Variants in TWNK observed in about 807,000 individuals in gnomAD.
The protein encoded by TWNK is twinkle mtDNA helicase, also known as T7 gp4-like protein with intramitochondrial nucleoid localization.
TWNK carries 36 observed loss-of-function variants against 58.2 expected under a neutral mutation model. The ratio of observed to expected loss-of-function variants is 0.62; its 90% CI spans 0.47 to 0.82. The LOEUF is 0.82. Ranked by LOEUF, TWNK falls within the 40% of genes least tolerant of loss-of-function variation. TWNK has a pLI of 0.00. For missense variants in TWNK, 714 were observed against 881.0 expected (o/e 0.81, Z 2.40); for synonymous variants, 349 against 348.5 (o/e 1.00, Z -0.02).
Position 100,988,191 on chromosome 10 carries a change from C to G in TWNK, c.-20C>G. On this transcript the variant is annotated 5_prime_UTR_variant, in exon 1 of 5. Transcript: ENST00000311916. This position sits in a 1 kb window ranked among gnomAD's most constrained non-coding sequence, Gnocchi z 5.2. ...GCACCTAAGGCATTTCAAGTAGTGACTTCCCACATTTGGCTAGGAATGTGG... is the reference window on the plus strand; with the variant it reads ...GCACCTAAGGCATTTCAAGTAGTGAGTTCCCACATTTGGCTAGGAATGTGG... 1 of 1,613,758 alleles carries G rather than the reference C, an allele frequency of 6.2e-7. No homozygotes were observed. Among genetic ancestry groups the G allele is most frequent in the Non-Finnish European group, 8.5e-7 (1 of 1,180,018 alleles).
At chr10:100,992,034 A>AAT (rs1026682930) in intron 4 of TWNK, among the ~76,000 whole-genome samples, 3 of 143,216 alleles carry the variant, frequency 2.1e-5, no homozygotes, top group African/African-American at 7.7e-5. Flanking sequence ...ATATATATAT[A>AAT]ATATATATAT....
rs200798080 is a variant in TWNK, at chr10:100,989,311, C to T, written c.1101C>T (p.Ile367=). 3.9e-5 allele frequency: 63 copies of T among 1,614,160 alleles called. No homozygotes were observed. In the African/African-American group the frequency reaches 5.7e-4, roughly 15 times the overall value. ...CCCTGCCTGCCTGGCACAAGTCCAT[C>T]GTATCTTTCCGGCAGCTTCGGGAGG... is the stretch of plus-strand genomic sequence containing the variant. The part of the protein sequence containing the change: ...RTALPAWHKS[I]VSFRQLREEV... The change falls in exon 1 of 5, where the codon ATC becomes ATT. Residue 367 remains isoleucine (I), a synonymous_variant. Transcript: ENST00000311916. The surrounding 1 kb of genome is among the most constrained non-coding windows in gnomAD (Gnocchi z 7.6).
rs1464688038 is a variant in TWNK at position 100,987,559 on chromosome 10, C to A, written c.-652C>A. 1.5e-5 allele frequency: 21 copies of A among 1,433,952 alleles called. No homozygotes were observed. The highest frequency in any genetic ancestry group is 1.8e-5 in the Non-Finnish European group (19 of 1,080,074). 88.8% of individuals were successfully genotyped at this position (1,433,952 alleles called of 1,614,324 possible). On this transcript the variant is annotated 5_prime_UTR_variant, in exon 1 of 5. Coordinates refer to ENST00000311916, the MANE Select transcript of TWNK (RefSeq NM_021830.5). ...CGGAGTTTTGCTTCCGAGGTCAAGG[C>A]GAGTAGCATGTGCGGGAGACTCACG...
At position 100,989,679 on chromosome 10, in the gene TWNK, G is replaced by A; in HGVS notation, c.1279G>A (p.Glu427Lys). ...TGSGKTTFIS[E>K]YALDLCSQGV... ...CAGTGGAAAGACGACATTCATCAGT[G>A]AGTATGCCCTGGATTTGTGTTCCCA... The change falls in exon 2 of 5, where the codon GAG becomes AAG. Residue 427 changes from glutamate to lysine, a missense_variant. Physicochemically the swap from Glu to Lys is moderately conservative, Grantham distance 56 (BLOSUM62 1). Coordinates refer to ENST00000311916, the MANE Select transcript of TWNK (RefSeq NM_021830.5). The surrounding 1 kb of genome is among the most constrained non-coding windows in gnomAD (Gnocchi z 7.6). 1 of 1,614,208 alleles carries A rather than the reference G, an allele frequency of 6.2e-7. No individual in the cohort carries two copies. Among genetic ancestry groups the A allele is most frequent in the Non-Finnish European group, 8.5e-7 (1 of 1,180,044 alleles).
In TWNK at chr10:100,989,633, C is replaced by T. The variant is rs1292551105; in HGVS notation, c.1244-11C>T. ...TTCCTCCTCACCCAGGTCTGTTCCA[C>T]CCCACTGCAGGGCCAACAGGCAGTG... On this transcript the variant is annotated splice_polypyrimidine_tract_variant and intron_variant, in intron 1 of 4. Transcript: ENST00000311916. This position sits in a 1 kb window ranked among gnomAD's most constrained non-coding sequence, Gnocchi z 7.6. 1 of 1,613,994 alleles carries T rather than the reference C, an allele frequency of 6.2e-7. No homozygotes were observed. Among genetic ancestry groups the T allele is most frequent in the South Asian group, 1.1e-5 (1 of 91,072 alleles).
rs746670084 is a variant in TWNK, at chr10:100,989,077, C to T, written c.867C>T (p.Cys289=). 1.6e-5 allele frequency: 26 copies of T among 1,613,928 alleles called. No individual in the cohort carries two copies. Among genetic ancestry groups the T allele is most frequent in the Non-Finnish European group, 2.2e-5 (26 of 1,179,870 alleles). ...PTLTLPRGTT[C]LPPALLPYLE... ...TTACTCTACCCCGAGGAACGACCTG[C>T]TTACCCCCTGCCTTACTCCCTTACC... is the stretch of plus-strand genomic sequence containing the variant. The change falls in exon 1 of 5, where the codon TGC becomes TGT. Residue 289 remains cysteine (C), a synonymous_variant. Transcript: ENST00000311916. This position sits in a 1 kb window ranked among gnomAD's most constrained non-coding sequence, Gnocchi z 7.6.
At chr10:100,990,018 G>T (rs1851726223) in intron 2 of TWNK, 134 bp downstream of exon 2, 1 of 1,281,162 alleles carries the variant, frequency 7.8e-7, no homozygotes, top group African/African-American at 1.5e-5. Flanking sequence ...GAATGAGAGG[G>T]CAGGGCTGGA....
Position 100,988,725 on chromosome 10 carries a change from A to C in TWNK, c.515A>C (p.Glu172Ala), listed in dbSNP as rs764143807. The C allele has an allele frequency of 5.0e-6, 8 of 1,614,140 alleles. No individual in the cohort carries two copies. The Admixed American group carries it at 1.3e-4, about 27-fold the overall frequency. Residue 172 changes from glutamate (E) to alanine (A), a missense_variant, in exon 1 of 5, where the codon GAG (glutamate) becomes GCG (alanine). Glu to Ala is a moderately radical substitution (Grantham distance 107, BLOSUM62 -1). This residue lies in a region of TWNK where 348 missense variants were observed against 388.4 expected (regional missense o/e 0.90). Transcript: ENST00000311916. This position sits in a 1 kb window ranked among gnomAD's most constrained non-coding sequence, Gnocchi z 5.2. ...IPLWELPDQE[E>A]VQLADTMFGL... The stretch of plus-strand genomic sequence containing the variant: ...CTCTGGGAGCTGCCTGATCAGGAGG[A>C]GGTTCAGCTGGCTGATACAATGTTT...
rs1245050449 is a variant in TWNK, at chr10:100,987,664, AG to A, written c.-546del. 2 of 625,656 alleles carry A rather than the reference AG, an allele frequency of 3.2e-6. No homozygotes were observed. Among genetic ancestry groups the A allele is most frequent in the Non-Finnish European group, 5.5e-6 (2 of 362,658 alleles). 38.8% of individuals were successfully genotyped at this position (625,656 alleles called of 1,614,324 possible). Reference sequence around the variant, plus strand: ...GGCGGAGCTCGGAGTAGTAGAGCGGAGTGAAGACACGGGGGAGGATAGAGAC... The same window carrying A: ...GGCGGAGCTCGGAGTAGTAGAGCGGATGAAGACACGGGGGAGGATAGAGAC... On this transcript the variant is annotated 5_prime_UTR_variant, in exon 1 of 5. In the 5' UTR this introduces an upstream ATG that the reference lacks. Coordinates refer to ENST00000311916, the MANE Select transcript of TWNK (RefSeq NM_021830.5).
At chr10:100,991,464 A>G (rs751111645) in intron 4 of TWNK, among the ~76,000 whole-genome samples, 3 of 152,188 alleles carry the variant, frequency 2.0e-5, no homozygotes, top group Non-Finnish European at 4.4e-5. Flanking sequence ...TGGAGCTTCT[A>G]GTGTTACACT....
chr10:100,992,416 C>T (rs1211892062), intron 4 of TWNK, among the ~76,000 whole-genome samples: 2 of 149,400 alleles, frequency 1.3e-5, no homozygotes, highest in Admixed American at 6.7e-5. Flanking sequence ...GGAGTTTCAC[C>T]GTGTTAGCCA....
chr10:100,990,351 C>T (rs941626190), intron 2 of TWNK, 85 bp from the exon 3 acceptor site: 11 of 970,714 alleles, frequency 1.1e-5, no homozygotes, highest in South Asian at 5.1e-5. Context: ...GAGGAGGCAG[C>T]CAAGAGAGTT....
At chr10:100,991,856 A>C (rs1590022792) in intron 4 of TWNK, among the ~76,000 whole-genome samples, 1 of 74,756 alleles carries the variant, frequency 1.3e-5, no homozygotes, top group Non-Finnish European at 2.4e-5. Flanking sequence ...CTAAAAATAC[A>C]AAAAAAAAAA....
chr10:100,991,999 AGAGT>A (rs1422462978), intron 4 of TWNK, among the ~76,000 whole-genome samples: 2 of 149,078 alleles, frequency 1.3e-5, no homozygotes, highest in African/African-American at 4.9e-5. Flanking sequence ...CCTGGGTGAC[AGAGT>A]GAGACTCCGT....
chr10:100,990,429 T>C lies in TWNK; in HGVS notation c.1485-7T>C. The C allele has an allele frequency of 2.5e-6, 4 of 1,610,976 alleles. No individual in the cohort carries two copies. The highest frequency in any genetic ancestry group is 3.4e-6 in the Non-Finnish European group (4 of 1,177,152). On this transcript the variant is annotated splice_polypyrimidine_tract_variant and splice_region_variant and intron_variant, in intron 2 of 4. Transcript: ENST00000311916. ...CTTGTCAAATTCCTTGCCTTTCCTC[T>C]TCCCAGGACTGTAATAGATACAATG...
intron 2 of TWNK, 62 bp from the exon 3 acceptor site, chr10:100,990,374 G>A: frequency 8.3e-7 from 1 of 1,204,088 alleles, no homozygotes; most frequent in Non-Finnish European, 1.2e-6. Flanking sequence ...CAGGATGCTA[G>A]TTCTTCTGCC....
In TWNK at chr10:100,987,859, A is replaced by G. The variant is rs1243177396; in HGVS notation, c.-352A>G. ...CTATAGAAATGAGGACGACGAGGAG[A>G]TGCTGTGGAGGAGCAGTAGAGGTGA... On this transcript the variant is annotated 5_prime_UTR_variant, in exon 1 of 5. An upstream start codon of the reference 5' UTR is lost. Coordinates refer to ENST00000311916, the MANE Select transcript of TWNK (RefSeq NM_021830.5). The G allele has an allele frequency of 3.4e-6, 2 of 593,392 alleles. No homozygotes were observed. Among genetic ancestry groups the G allele is most frequent in the Non-Finnish European group, 6.0e-6 (2 of 335,546 alleles). The allele number at this position is 593,392 out of a possible 1,614,324, so 36.8% of individuals were successfully genotyped here. A position where few individuals can be genotyped will look rare whatever the true frequency, so the allele number is the denominator to read the frequency against.
intron 4 of TWNK, among the ~76,000 whole-genome samples, chr10:100,992,415 C>T (rs1269636287): frequency 2.0e-5 from 3 of 150,048 alleles, no homozygotes; most frequent in South Asian, 4.2e-4. Context: ...CGGAGTTTCA[C>T]CGTGTTAGCC....
rs775312274 is a variant in TWNK, at chr10:100,987,690, CTGGCATTCCTTTGGGCCGGGGGAT to C, written c.-516_-493del. ...GTGAAGACACGGGGGAGGATAGAGA[CTGGCATTCCTTTGGGCCGGGGGAT>C]TGGCGGGAGTCGTGCTGGGTGCTCT... On this transcript the variant is annotated 5_prime_UTR_variant, in exon 1 of 5. Transcript: ENST00000311916. 9.1e-4 allele frequency: 548 copies of C among 599,364 alleles called. No individual in the cohort carries two copies. The highest frequency in any genetic ancestry group is 1.3e-3 in the Non-Finnish European group (445 of 341,168). The allele number at this position is 599,364 out of a possible 1,614,324, so 37.1% of individuals were successfully genotyped here. A position where few individuals can be genotyped will look rare whatever the true frequency, so the allele number is the denominator to read the frequency against.
Sources: gnomAD v4.1 joint callset for allele counts (sites outside exome capture counted in the v4.1 genomes callset) on GRCh38, gnomAD v4.1.1 for gene constraint, gnomAD v4.1.1 regional missense constraint, Gnocchi (gnomAD v3.1) non-coding constraint, MANE v1.5 for transcripts, NCBI Gene and HGNC (gene_info 2026-07-23, HGNC 2026-07-21) for gene names.